SOX6: variants seen among roughly 807,000 people sequenced by gnomAD.
The protein encoded by SOX6 is transcription factor SOX-6.
In SOX6, 11 loss-of-function variants were observed where a neutral mutation model predicts 97.8. The observed-to-expected ratio is 0.11, with a 90% CI of 0.07 to 0.19. The LOEUF (loss-of-function observed/expected upper bound fraction) is 0.19. SOX6 is among the 10% of genes least tolerant of loss of function. The pLI is 1.00. For synonymous variants in SOX6, 360 were observed against 371.4 expected (o/e 0.97, Z 0.35); for missense variants, 810 against 1,039.5 (o/e 0.78, Z 3.04).
In SOX6 at chr11:16,427,309, G is replaced by A. The variant is rs557950024; in HGVS notation, c.-5+49006C>T. Among the ~76,000 whole-genome samples, 23 of 146,494 alleles carry A rather than the reference G, an allele frequency of 1.6e-4. No individual in the cohort carries two copies. In the South Asian group the frequency reaches 2.0e-3, roughly 13 times the overall value. ...ACAACCCCACTAAAAAGTGTGCAAC[G>A]GACATGACCATGCACTTTTCTTTTT... On this transcript the variant is annotated intron_variant, in intron 1 of 15. Coordinates refer to the SOX6 transcript ENST00000396356.
intron 4 of SOX6, among the ~76,000 whole-genome samples, chr11:16,600,607 C>G (rs1848257092): frequency 6.6e-6 from 1 of 152,148 alleles, no homozygotes; most frequent in Non-Finnish European, 1.5e-5. Context: ...ACTGATATTT[C>G]TATCCAAACT....
intron 9 of SOX6, among the ~76,000 whole-genome samples, chr11:16,073,353 A>C (rs1380453287): frequency 6.6e-6 from 1 of 152,200 alleles, no homozygotes; most frequent in Non-Finnish European, 1.5e-5. Context: ...AGACAAAGGA[A>C]GGCATTACAT....
chr11:16,642,777 G>T (rs888135217), intron 3 of SOX6, among the ~76,000 whole-genome samples: 1 of 152,086 alleles, frequency 6.6e-6, no homozygotes, highest in African/African-American at 2.4e-5. Context: ...GGTCCTTTAA[G>T]GGCTTCTCTA....
At chr11:16,071,827 T>A (rs1848231154) in intron 9 of SOX6, among the ~76,000 whole-genome samples, 1 of 151,866 alleles carries the variant, frequency 6.6e-6, no homozygotes, top group African/African-American at 2.4e-5. Flanking sequence ...GAGGGGCTCC[T>A]TCAAGACCCA....
At chr11:16,308,036 C>T (rs768056045) in intron 3 of SOX6, among the ~76,000 whole-genome samples, 159 of 152,130 alleles carry the variant, frequency 1.0e-3, no homozygotes, top group Non-Finnish European at 7.3e-4. Flanking sequence ...AAGAAAGCTA[C>T]GATAGGTCTG....
At chr11:16,493,359 T>C (rs1860540009) in intron 4 of SOX6, among the ~76,000 whole-genome samples, 1 of 152,186 alleles carries the variant, frequency 6.6e-6, no homozygotes, top group Non-Finnish European at 1.5e-5. Flanking sequence ...ACCATTTATA[T>C]AAAGTAAAGA....
At chr11:16,625,330 T>G (rs1848609281) in intron 3 of SOX6, among the ~76,000 whole-genome samples, 2 of 152,146 alleles carry the variant, frequency 1.3e-5, no homozygotes, top group African/African-American at 4.8e-5. Flanking sequence ...TTTTTTTGTA[T>G]AGTGTGATGT....
intron 9 of SOX6, among the ~76,000 whole-genome samples, chr11:16,066,659 A>C (rs1450362421): frequency 6.6e-6 from 1 of 152,310 alleles, no homozygotes; most frequent in South Asian, 2.1e-4. Context: ...AAAGACAAAC[A>C]TCATGTGTTC....
At position 16,092,038 on chromosome 11, in the gene SOX6, T is replaced by C. The variant is rs966355710; in HGVS notation, c.1101+3958A>G. 3.3e-5 allele frequency among the ~76,000 whole-genome samples: 5 copies of C among 152,046 alleles called. No individual in the cohort carries two copies. In the East Asian group the frequency reaches 9.6e-4, roughly 29 times the overall value. On this transcript the variant is annotated intron_variant, in intron 9 of 15. Coordinates refer to ENST00000683767, the MANE Select transcript of SOX6 (RefSeq NM_001367873.1). ...AAGTGAGCAATCTGTCAGTAATACA[T>C]TGAGTGAAATTACTTGTCTTGGAGG...
At chr11:16,438,492 A>G (rs559204387) in intron 1 of SOX6, among the ~76,000 whole-genome samples, 1 of 152,284 alleles carries the variant, frequency 6.6e-6, no homozygotes, top group East Asian at 1.9e-4. Context: ...TATATGCAGA[A>G]TTGGATATAT....
At chr11:16,469,512 C>T (rs1373547741) in intron 1 of SOX6, among the ~76,000 whole-genome samples, 1 of 152,088 alleles carries the variant, frequency 6.6e-6, no homozygotes, top group Non-Finnish European at 1.5e-5. Context: ...AATTAAGACA[C>T]ATGGCTTAAC....
intron 3 of SOX6, among the ~76,000 whole-genome samples, chr11:16,253,441 A>G (rs1409990592): frequency 6.6e-6 from 1 of 152,192 alleles, no homozygotes; most frequent in Non-Finnish European, 1.5e-5. Flanking sequence ...AAATTTTTAA[A>G]ATATATAATT....
intron 1 of SOX6, among the ~76,000 whole-genome samples, chr11:16,376,287 G>A (rs554978703): frequency 6.6e-6 from 1 of 152,124 alleles, no homozygotes; most frequent in South Asian, 2.1e-4. Context: ...AAATTAGATT[G>A]GCTTAAGGTC....
At chr11:16,343,069 T>C (rs1267224453) in intron 1 of SOX6, among the ~76,000 whole-genome samples, 2 of 151,774 alleles carry the variant, frequency 1.3e-5, no homozygotes, top group African/African-American at 4.8e-5. Flanking sequence ...GACAAACATA[T>C]ACACAATTAT....
At chr11:16,461,038 GA>G (rs765171690) in intron 1 of SOX6, among the ~76,000 whole-genome samples, 2 of 151,780 alleles carry the variant, frequency 1.3e-5, no homozygotes, top group Admixed American at 6.6e-5. Flanking sequence ...TCCGTGGGAA[GA>G]AAAAAAACTG....
At chr11:16,226,317 TTTTTTTTGTTTTTGTTTTTG>T (rs869227273) in intron 4 of SOX6, among the ~76,000 whole-genome samples, 806 of 52,804 alleles carry the variant, frequency 0.015, 6 homozygotes, top group African/African-American at 0.051. Flanking sequence ...CATAATTGTG[TTTTTTTTGTTTTTGTTTTTG>T]TTTTTTTTTT....
In SOX6 at chr11:16,328,708, T is replaced by C. The variant is rs187077513; in HGVS notation, c.238-10055A>G. Among the ~76,000 whole-genome samples the C allele has an allele frequency of 2.2e-3, 341 of 152,292 alleles. 3 individuals carry two copies. Among genetic ancestry groups the C allele is most frequent in the Non-Finnish European group, 3.4e-3 (232 of 68,016 alleles). ...AAAAAACTACTTGCCAACTGTGCTA[T>C]ATAAGACACCTTCTACTATAGTGTT... On this transcript the variant is annotated intron_variant, in intron 2 of 15. Coordinates refer to ENST00000683767, the MANE Select transcript of SOX6 (RefSeq NM_001367873.1).
intron 4 of SOX6, among the ~76,000 whole-genome samples, chr11:16,523,788 TG>T (rs1467164760): frequency 6.6e-6 from 1 of 152,042 alleles, no homozygotes; most frequent in Non-Finnish European, 1.5e-5. Context: ...CAATAAAAAG[TG>T]ATAAAGGGGA....
chr11:16,431,314 G>C (rs754626391), intron 1 of SOX6, among the ~76,000 whole-genome samples: 14 of 152,016 alleles, frequency 9.2e-5, no homozygotes, highest in Non-Finnish European at 1.6e-4. Flanking sequence ...AACTTAATGA[G>C]AGCAGGTATT....
Sources: allele counts gnomAD v4.1 joint callset (sites outside exome capture counted in the v4.1 genomes callset), GRCh38; gene constraint gnomAD v4.1.1; transcripts MANE v1.5; gene names NCBI Gene and HGNC (gene_info 2026-07-23, HGNC 2026-07-21).